Variants in HOOK2 observed in about 807,000 individuals in gnomAD.
HOOK2 encodes the protein protein Hook homolog 2.
A neutral mutation model predicts 111.9 loss-of-function variants in HOOK2; 108 were observed. The observed-to-expected ratio is 0.96, with a 90% CI of 0.83 to 1.13. HOOK2 has a LOEUF of 1.13. Among genes scored for constraint, HOOK2 ranks in the 50% most tolerant of loss-of-function variants. The probability of loss-of-function intolerance (pLI) is 0.00; values close to 1 mark genes in which losing one functional copy is unlikely to be tolerated. For missense variants in HOOK2, 978 were observed against 951.3 expected, an observed-to-expected ratio of 1.03 and a Z score of -0.37; for synonymous variants, 405 against 394.3, an observed-to-expected ratio of 1.03 and a Z score of -0.32.
intron 10 of HOOK2, 48 bp downstream of exon 10, chr19:12,770,884 G>T: frequency 6.4e-7 from 1 of 1,558,146 alleles, no homozygotes; most frequent in Non-Finnish European, 8.7e-7. Context: ...CTGGAAACAG[G>T]TTTACCCCCC....
chr19:12,776,120 G>A (rs1296276422), upstream of HOOK2, among the ~76,000 whole-genome samples: 2 of 149,392 alleles, frequency 1.3e-5, no homozygotes, highest in African/African-American at 4.9e-5. Context: ...CTCGTGATCC[G>A]CCCGCCTCGG....
intron 11 of HOOK2, among the ~76,000 whole-genome samples, chr19:12,769,040 A>G (rs996581238): frequency 7.0e-6 from 1 of 142,972 alleles, no homozygotes; most frequent in African/African-American, 2.7e-5. Flanking sequence ...ATCTCGGCTC[A>G]CTGCAAGCTC....
chr19:12,771,018 C>T lies in HOOK2; in HGVS notation c.816G>A (p.Glu272=), dbSNP rs1968311916. The change falls in exon 10 of 23, where the codon GAG becomes GAA. Residue 272 remains glutamate (E), a synonymous_variant. Transcript: ENST00000397668. ...GGTTCCGGTGCTGCAGCTCCGCAAC[C>T]TCCCTCTCCAGCTCGGCACAGCGCA... The part of the protein sequence containing the change: ...ERLRCAELER[E]VAELQHRNQA... The T allele has an allele frequency of 1.2e-6, 2 of 1,613,168 alleles. No individual in the cohort carries two copies.
At chr19:12,783,920 G>A (rs1968631232) in intron 3 of HOOK2, among the ~76,000 whole-genome samples, 1 of 152,134 alleles carries the variant, frequency 6.6e-6, no homozygotes, top group Non-Finnish European at 1.5e-5. Flanking sequence ...AGGCACCCAG[G>A]AAGTGAGAGG....
In HOOK2 at chr19:12,770,785, C is replaced by G. The variant is rs73503407; in HGVS notation, c.902+147G>C. On this transcript the variant is annotated intron_variant, in intron 10 of 22. Transcript: ENST00000397668. The stretch of plus-strand genomic sequence containing the variant: ...GTGGCCTTGGGCGTTCTGTAGGGCT[C>G]AGGGTGGCACTGTGGAGTCCAGGGG... The G allele has an allele frequency of 0.012, 11,131 of 959,906 alleles. 923 individuals are homozygous for G. In the African/African-American group the frequency reaches 0.17, roughly 14 times the overall value. The allele number at this position is 959,906 out of a possible 1,614,324, so 59.5% of individuals were successfully genotyped here.
Position 12,763,276 on chromosome 19 carries a change from G to C in HOOK2, c.*6C>G. 3.1e-6 allele frequency: 5 copies of C among 1,611,356 alleles called. No homozygotes were observed. Among genetic ancestry groups the C allele is most frequent in the Non-Finnish European group, 4.2e-6 (5 of 1,178,446 alleles). Reference sequence around the variant, plus strand: ...GGAGCCCAGGCTGGCTTGATTGTGAGGTCTGTCAGTGCTTGTCAGTGGGGC... The same window carrying C: ...GGAGCCCAGGCTGGCTTGATTGTGACGTCTGTCAGTGCTTGTCAGTGGGGC... On this transcript the variant is annotated 3_prime_UTR_variant, in exon 23 of 23. Coordinates refer to ENST00000397668, the MANE Select transcript of HOOK2 (RefSeq NM_013312.3).
Position 12,764,211 on chromosome 19 carries a change from C to T in HOOK2, c.1828-433G>A, listed in dbSNP as rs927103781. The T allele has an allele frequency of 1.6e-4, 27 of 168,244 alleles. No homozygotes were observed. In the East Asian group the frequency reaches 1.6e-3, roughly 10 times the overall value. The allele number at this position is 168,244 out of a possible 1,614,324, so 10.4% of individuals were successfully genotyped here. ...TCTATTTTTCGTAGAGACGGGGTTT[C>T]GCCATGTTGGCCAGGCTGCTCTCGA... On this transcript the variant is annotated intron_variant, in intron 20 of 22. Coordinates refer to ENST00000397668, the MANE Select transcript of HOOK2 (RefSeq NM_013312.3).
At chr19:12,775,760 C>CCT (rs376443961), upstream of HOOK2, 4 of 316,894 alleles carry the variant, frequency 1.3e-5, no homozygotes, top group East Asian at 1.6e-4. Flanking sequence ...CACCTCCCAT[C>CCT]CTCGCCCTGG....
At position 12,791,906 on chromosome 19, in the gene HOOK2, C is replaced by A. The variant is rs765894648; in HGVS notation, n.42-17681G>T. ...CGAGCCTGGCGGTCAACCTGGCCGA[C>A]CCCTACCGGAGTCTCAAAGCGCCTG... is the stretch of plus-strand genomic sequence containing the variant. On this transcript the variant is annotated intron_variant and non_coding_transcript_variant, in intron 3 of 3. Transcript: ENST00000589765. The surrounding 1 kb of genome is among the most constrained non-coding windows in gnomAD (Gnocchi z 7.0). 2.5e-6 allele frequency: 4 copies of A among 1,613,306 alleles called. No individual in the cohort carries two copies. The highest frequency in any genetic ancestry group is 1.7e-5 in the Admixed American group (1 of 59,992).
chr19:12,777,623 G>T (rs1968553719), upstream of HOOK2, among the ~76,000 whole-genome samples: 1 of 152,234 alleles, frequency 6.6e-6, no homozygotes, highest in Admixed American at 6.5e-5. Flanking sequence ...GCCCAGCCTG[G>T]ATCCGTCTTC....
chr19:12,778,049 C>T (rs1026076017), upstream of HOOK2, among the ~76,000 whole-genome samples: 2 of 152,208 alleles, frequency 1.3e-5, no homozygotes, highest in Non-Finnish European at 1.5e-5. Context: ...CCCAGGCTCG[C>T]GCCCTGTGAC....
chr19:12,783,015 C>T (rs77280518), upstream of HOOK2, among the ~76,000 whole-genome samples: 19 of 152,148 alleles, frequency 1.2e-4, no homozygotes, highest in East Asian at 1.6e-3. Flanking sequence ...CGCTCGTGAT[C>T]CCGGGAGAAG....
At position 12,765,006 on chromosome 19, in the gene HOOK2, G is replaced by C; in HGVS notation, c.1716C>G (p.Asp572Glu). ...TCACTAGGTCCTACTTACTGCTGCT[G>C]TCAGTGGGTGGCTCCAGCTCCTCAA... The part of the protein sequence containing the change: ...EYIEELEPPT[D>E]SSTARRIEEL... Residue 572 changes from aspartate to glutamate, a missense_variant, in exon 19 of 23, where the codon GAC (aspartate) becomes GAG (glutamate). Coordinates refer to ENST00000397668, the MANE Select transcript of HOOK2 (RefSeq NM_013312.3). 2 of 1,614,148 alleles carry C rather than the reference G, an allele frequency of 1.2e-6. No individual in the cohort carries two copies. The highest frequency in any genetic ancestry group is 8.5e-7 in the Non-Finnish European group (1 of 1,180,002).
At chr19:12,770,464 C>A (rs995111349) in intron 10 of HOOK2, among the ~76,000 whole-genome samples, 1 of 151,720 alleles carries the variant, frequency 6.6e-6, no homozygotes, top group African/African-American at 2.4e-5. Context: ...TGCACTAGTA[C>A]CTTCGCATTA....
At chr19:12,782,634 C>T (rs547039807), upstream of HOOK2, among the ~76,000 whole-genome samples, 12 of 152,122 alleles carry the variant, frequency 7.9e-5, no homozygotes, top group Non-Finnish European at 1.6e-4. Flanking sequence ...AGGGCGGGAG[C>T]TCTGCACTGG....
At chr19:12,782,943 C>G (rs1421604631), upstream of HOOK2, among the ~76,000 whole-genome samples, 1 of 151,978 alleles carries the variant, frequency 6.6e-6, no homozygotes, top group African/African-American at 2.4e-5. Flanking sequence ...CGCGTGTTTC[C>G]TTTCCCCGCC....
Position 12,770,043 on chromosome 19 carries a change from C to A in HOOK2, c.942G>T (p.Leu314=). 6.5e-7 allele frequency: 1 copy of A among 1,539,274 alleles called. No individual in the cohort carries two copies. The highest frequency in any genetic ancestry group is 1.2e-5 in the South Asian group (1 of 83,522). The change falls in exon 11 of 23, where the codon CTG becomes CTT. Residue 314 remains leucine (L), a synonymous_variant. Coordinates refer to ENST00000397668, the MANE Select transcript of HOOK2 (RefSeq NM_013312.3). ...SERAGQLEAT[L]TSCRRRLGEL... ...CGCCCAAGCGGCGCCGGCAACTGGT[C>A]AGCGTGGCCTCCAGCTGCCCAGCAC...
Position 12,790,684 on chromosome 19 carries a change from C to CCAATTTCTGG in HOOK2, n.42-16460_42-16459insCCAGAAATTG, listed in dbSNP as rs17881432. ...CCTTCATCCGGGCTAGCAGATGACC[C>CCAATTTCTGG]CAGTGGTCCCCAATTTCTGGCAGAC... On this transcript the variant is annotated intron_variant and non_coding_transcript_variant, in intron 3 of 3. Coordinates refer to the HOOK2 transcript ENST00000589765. This position sits in a 1 kb window ranked among gnomAD's most constrained non-coding sequence, Gnocchi z 7.2. Among the ~76,000 whole-genome samples, 7,303 of 152,184 alleles carry CCAATTTCTGG rather than the reference C, an allele frequency of 0.048. 630 individuals are homozygous for CCAATTTCTGG. Among genetic ancestry groups the CCAATTTCTGG allele is most frequent in the African/African-American group, 0.17 (6,971 of 41,490 alleles).
chr19:12,769,302 A>G (rs1968245918), intron 11 of HOOK2, among the ~76,000 whole-genome samples: 1 of 151,436 alleles, frequency 6.6e-6, no homozygotes, highest in African/African-American at 2.4e-5. Flanking sequence ...GGGTTTTGCT[A>G]TGTTGGCCAG....
Sources: allele counts gnomAD v4.1 joint callset (sites outside exome capture counted in the v4.1 genomes callset), GRCh38; gene constraint gnomAD v4.1.1; non-coding constraint Gnocchi (gnomAD v3.1); transcripts MANE v1.5; gene names NCBI Gene and HGNC (gene_info 2026-07-23, HGNC 2026-07-21).